Variants in EIF2AK4 observed in about 807,000 individuals in gnomAD.
EIF2AK4 encodes the protein eukaryotic translation initiation factor 2 alpha kinase 4, also known as eIF-2-alpha kinase GCN2.
EIF2AK4 carries 139 observed loss-of-function variants against 211.1 expected under a neutral mutation model. The ratio of observed to expected loss-of-function variants is 0.66; its 90% CI spans 0.57 to 0.76. EIF2AK4 has a LOEUF of 0.76. Among genes scored for constraint, EIF2AK4 ranks in the 30% least tolerant of loss-of-function variants. EIF2AK4 has a pLI of 0.00. For synonymous variants in EIF2AK4, 710 were observed against 751.3 expected (o/e 0.94, Z 0.90); for missense variants, 1,664 against 2,043.8 (o/e 0.81, Z 3.58).
In EIF2AK4 at chr15:40,035,028, GTGTC is replaced by G. The variant is rs1567013121; in HGVS notation, c.4898_4901del (p.Ser1633CysfsTer45). ...TATATCTTTTCTTTTCTTTTGCAGG[GTGTC>G]TGTGCTATTTCTGTACAGCTATAGA... On this transcript the variant is annotated frameshift_variant and splice_region_variant, in exon 39 of 39. Transcript: ENST00000263791. LOFTEE classifies it high-confidence loss of function. 1 of 1,578,552 alleles carries G rather than the reference GTGTC, an allele frequency of 6.3e-7. No individual in the cohort carries two copies. Among genetic ancestry groups the G allele is most frequent in the Non-Finnish European group, 8.6e-7 (1 of 1,163,704 alleles).
chr15:40,024,187 A>G (rs2035432108), intron 32 of EIF2AK4, among the ~76,000 whole-genome samples: 2 of 150,980 alleles, frequency 1.3e-5, no homozygotes. Flanking sequence ...TTACGTCACT[A>G]CCTTTCTCCA....
chr15:40,007,214 C>A, intron 24 of EIF2AK4, 149 bp downstream of exon 24: 1 of 730,366 alleles, frequency 1.4e-6, no homozygotes, highest in Non-Finnish European at 2.2e-6. Context: ...GAACCAGAAG[C>A]CCAGCCACAG....
chr15:40,000,664 A>C (rs916728546), intron 20 of EIF2AK4, among the ~76,000 whole-genome samples: 3 of 152,178 alleles, frequency 2.0e-5, no homozygotes, highest in Non-Finnish European at 4.4e-5. Context: ...ATCTTTTTAC[A>C]TCTTTTTATA....
intron 37 of EIF2AK4, 150 bp downstream of exon 37, chr15:40,032,951 T>C (rs1056978182): frequency 1.4e-4 from 82 of 593,684 alleles, no homozygotes; most frequent in Non-Finnish European, 3.1e-5. Context: ...TTATGTAACA[T>C]ATATGTTCCT....
chr15:40,018,004 C>T (rs368884484), intron 29 of EIF2AK4, among the ~76,000 whole-genome samples: 3 of 152,148 alleles, frequency 2.0e-5, no homozygotes, highest in Non-Finnish European at 2.9e-5. Context: ...TGGGTATCAA[C>T]ATCTTATCAA....
intron 1 of EIF2AK4, among the ~76,000 whole-genome samples, chr15:39,937,405 ATACTCTGGTTTATTTTTC>A (rs2034081286): frequency 6.6e-6 from 1 of 152,108 alleles, no homozygotes; most frequent in Admixed American, 6.5e-5. Flanking sequence ...TGAACTGCTC[ATACTCTGGTTTATTTTTC>A]TACTCTGTGG....
intron 9 of EIF2AK4, among the ~76,000 whole-genome samples, chr15:39,969,032 A>G (rs1272425968): frequency 6.6e-6 from 1 of 152,242 alleles, no homozygotes; most frequent in Non-Finnish European, 1.5e-5. Context: ...CTTTAAACAT[A>G]TTTATTTAAA....
At chr15:40,025,700 C>G (rs1473852389) in intron 32 of EIF2AK4, among the ~76,000 whole-genome samples, 1 of 152,178 alleles carries the variant, frequency 6.6e-6, no homozygotes, top group Non-Finnish European at 1.5e-5. Flanking sequence ...CAGGGTTTCT[C>G]AACAGCAGCG....
At position 39,977,131 on chromosome 15, in the gene EIF2AK4, T is replaced by TCAAAAACAAAAA. The variant is rs200128941; in HGVS notation, c.2249+287_2249+288insCAAAAACAAAAA. On this transcript the variant is annotated intron_variant, in intron 12 of 38. Coordinates refer to ENST00000263791, the MANE Select transcript of EIF2AK4 (RefSeq NM_001013703.4). Reference sequence around the variant, plus strand: ...AGAAATCCAGACGTGTTGACCATGTTTAAAAACAAAAACAAAAACAAAACA... The same window carrying TCAAAAACAAAAA: ...AGAAATCCAGACGTGTTGACCATGTTCAAAAACAAAAATAAAAACAAAAACAAAAACAAAACA... 2.0e-4 allele frequency: 65 copies of TCAAAAACAAAAA among 332,616 alleles called. 1 individual carries two copies. The highest frequency in any genetic ancestry group is 3.5e-4 in the Admixed American group (7 of 20,110). The allele number at this position is 332,616 out of a possible 1,614,324, so 20.6% of individuals were successfully genotyped here. A position where few individuals can be genotyped will look rare whatever the true frequency, so the allele number is the denominator to read the frequency against.
At position 39,967,337 on chromosome 15, in the gene EIF2AK4, T is replaced by C. The variant is rs773557713; in HGVS notation, c.1018-7T>C. On this transcript the variant is annotated splice_polypyrimidine_tract_variant and splice_region_variant and intron_variant, in intron 8 of 38. Coordinates refer to ENST00000263791, the MANE Select transcript of EIF2AK4 (RefSeq NM_001013703.4). ...AATATTCTTTTTTTTTTTTTTTAAC[T>C]TATCAGATTCAAGGAACAGAAACAG... is the stretch of plus-strand genomic sequence containing the variant. 2.6e-6 allele frequency: 4 copies of C among 1,509,958 alleles called. No homozygotes were observed. In the African/African-American group the frequency reaches 5.7e-5, roughly 22 times the overall value. The allele number at this position is 1,509,958 out of a possible 1,614,324, so 93.5% of individuals were successfully genotyped here.
At chr15:39,943,615 T>A in intron 3 of EIF2AK4, 130 bp downstream of exon 3, 1 of 709,862 alleles carries the variant, frequency 1.4e-6, no homozygotes, top group Non-Finnish European at 2.3e-6. Flanking sequence ...TTTATTTATT[T>A]AATAGGATTA....
In EIF2AK4 at chr15:39,984,093, A is replaced by G. The variant is rs879352610; in HGVS notation, c.2320-1712A>G. The stretch of plus-strand genomic sequence containing the variant: ...ATGGCTAGCCAGTTTTCCCAACACC[A>G]TTTATTAAATAGGGAATCCTTTCCC... On this transcript the variant is annotated intron_variant, in intron 13 of 38. Transcript: ENST00000263791. Among the ~76,000 whole-genome samples the G allele has an allele frequency of 5.3e-5, 8 of 152,194 alleles. No individual in the cohort carries two copies. The South Asian group carries it at 8.3e-4, about 16-fold the overall frequency.
At chr15:39,964,200 T>G (rs554867574) in intron 7 of EIF2AK4, among the ~76,000 whole-genome samples, 7 of 152,356 alleles carry the variant, frequency 4.6e-5, no homozygotes, top group African/African-American at 1.7e-4. Context: ...CAGCCATATT[T>G]TTCCAAAGTA....
At position 40,016,647 on chromosome 15, in the gene EIF2AK4, T is replaced by G. The variant is rs1488193011; in HGVS notation, c.3905T>G (p.Leu1302Trp). ...LKDLEEVVGL[L>W]KKLGIKLQVL... ...GACCTAGAGGAGGTTGTTGGACTGT[T>G]GAAGAAACTCGGCATCAAGTTACAG... Residue 1302 changes from leucine (L) to tryptophan (W), a missense_variant, in exon 28 of 39, where the codon TTG (leucine) becomes TGG (tryptophan). Leu to Trp is a moderately conservative substitution (Grantham distance 61). Around this residue, in one of 7 missense-constraint regions of EIF2AK4, gnomAD observed 622 missense variants for 796.8 expected, o/e 0.78. Transcript: ENST00000263791. 1.9e-6 allele frequency: 3 copies of G among 1,614,176 alleles called. No individual in the cohort carries two copies. The South Asian group carries it at 3.3e-5, about 18-fold the overall frequency.
chr15:40,003,692 T>G (rs971053390), intron 23 of EIF2AK4, among the ~76,000 whole-genome samples: 1 of 152,252 alleles, frequency 6.6e-6, no homozygotes, highest in Admixed American at 6.5e-5. Context: ...AACATGTTAA[T>G]GCCTAGAACA....
At chr15:40,013,371 T>A (rs939346663) in intron 27 of EIF2AK4, among the ~76,000 whole-genome samples, 5 of 152,094 alleles carry the variant, frequency 3.3e-5, no homozygotes, top group Non-Finnish European at 5.9e-5. Flanking sequence ...TTATCTTTAA[T>A]CCCTCTATTA....
intron 27 of EIF2AK4, among the ~76,000 whole-genome samples, chr15:40,015,145 T>C (rs2035287773): frequency 6.6e-6 from 1 of 152,180 alleles, no homozygotes; most frequent in Non-Finnish European, 1.5e-5. Flanking sequence ...CATTTTCCTG[T>C]CTTCTTCTGA....
At chr15:40,024,714 A>G (rs962552108) in intron 32 of EIF2AK4, among the ~76,000 whole-genome samples, 2 of 100,162 alleles carry the variant, frequency 2.0e-5, no homozygotes, top group Non-Finnish European at 4.2e-5. Context: ...TTTTTTTTTT[A>G]CTCTGAGAAT....
chr15:40,034,494 C>G (rs199755217), intron 38 of EIF2AK4, 50 bp downstream of exon 38: 104 of 1,415,872 alleles, frequency 7.3e-5, no homozygotes, highest in Middle Eastern at 1.9e-4. Context: ...AAATTCAGGG[C>G]GGGGGGTTTC....
Sources: gnomAD v4.1 joint callset for allele counts (sites outside exome capture counted in the v4.1 genomes callset) on GRCh38, gnomAD v4.1.1 for gene constraint, gnomAD v4.1.1 regional missense constraint, MANE v1.5 for transcripts, NCBI Gene and HGNC (gene_info 2026-07-23, HGNC 2026-07-21) for gene names.